ADGB: variants seen among roughly 807,000 people sequenced by gnomAD.
ADGB encodes calpain-7-like protein.
A neutral mutation model predicts 210.5 loss-of-function variants in ADGB; 172 were observed. The observed-to-expected ratio is 0.82, with a 90% CI of 0.72 to 0.93. ADGB has a LOEUF of 0.93. ADGB is among the 40% of genes least tolerant of loss of function. The pLI is 0.00. For synonymous variants in ADGB, 658 were observed against 662.7 expected, an observed-to-expected ratio of 0.99 and a Z score of 0.11; for missense variants, 2,025 against 1,964.8, an observed-to-expected ratio of 1.03 and a Z score of -0.58.
intron 11 of ADGB, among the ~76,000 whole-genome samples, chr6:146,692,184 G>T (rs9497607): frequency 0.28 from 41,839 of 151,944 alleles, 6,175 homozygotes; most frequent in African/African-American, 0.39. Context: ...AGAAAATTTA[G>T]GTATTCCATG....
Position 146,728,727 on chromosome 6 carries a change from G to A in ADGB, c.2506G>A (p.Ala836Thr). ...PVPFHDKELT[A>T]QHFRVFHLSL... ...CCCCTTCCATGATAAAGAACTAACT[G>A]CACAGCACTTCAGGGTAAGCTTGTT... Residue 836 changes from alanine (A) to threonine (T), a missense_variant, in exon 20 of 36, where the codon GCA becomes ACA. Coordinates refer to ENST00000397944, the MANE Select transcript of ADGB (RefSeq NM_024694.4). 1 of 1,548,512 alleles carries A rather than the reference G, an allele frequency of 6.5e-7. No individual in the cohort carries two copies. The highest frequency in any genetic ancestry group is 1.2e-5 in the South Asian group (1 of 83,580).
intron 35 of ADGB, among the ~76,000 whole-genome samples, chr6:146,810,872 G>C (rs1778293232): frequency 6.6e-6 from 1 of 152,046 alleles, no homozygotes; most frequent in Admixed American, 6.6e-5. Context: ...TGTATTTCAG[G>C]TACAGAATGG....
intron 13 of ADGB, among the ~76,000 whole-genome samples, chr6:146,713,729 A>G (rs1358599858): frequency 6.6e-6 from 1 of 152,026 alleles, no homozygotes; most frequent in African/African-American, 2.4e-5. Flanking sequence ...CCTTTGATGT[A>G]CAGAAGTTTT....
In ADGB at chr6:146,716,054, C is replaced by CAAAA. The variant is rs61093466; in HGVS notation, c.1741+655_1741+658dup. Among the ~76,000 whole-genome samples the CAAAA allele has an allele frequency of 7.7e-4, 75 of 96,934 alleles. 1 individual carries two copies. The highest frequency in any genetic ancestry group is 2.5e-3 in the African/African-American group (70 of 27,878). The allele number at this position is 96,934 out of a possible 152,430, so 63.6% of individuals were successfully genotyped here. The stretch of plus-strand genomic sequence containing the variant: ...CTGCACTCCAGCCTGGACTCCGTCT[C>CAAAA]AAAAAAAAAAAAAAAAAAATGGTAT... On this transcript the variant is annotated intron_variant, in intron 14 of 35. Coordinates refer to ENST00000397944, the MANE Select transcript of ADGB (RefSeq NM_024694.4).
chr6:146,722,315 A>G (rs1239853012), intron 17 of ADGB, among the ~76,000 whole-genome samples: 4 of 151,850 alleles, frequency 2.6e-5, no homozygotes, highest in African/African-American at 9.7e-5. Flanking sequence ...CACTCCTACA[A>G]TTTTGGAAGC....
intron 33 of ADGB, among the ~76,000 whole-genome samples, chr6:146,799,133 C>T (rs1778086987): frequency 6.9e-6 from 1 of 145,918 alleles, no homozygotes; most frequent in African/African-American, 2.5e-5. Flanking sequence ...GGGGAACTTA[C>T]TCATCCTGAT....
rs1778369422 is a variant in ADGB at position 146,815,208 on chromosome 6, G to A, written c.4995G>A (p.Lys1665=). The part of the protein sequence containing the change: ...APDTQKKKKG[K]KK ...ACACACAGAAAAAAAAGAAAGGAAA[G>A]AAAAAGTAACCAGGGGATGTCCAAT... Residue 1665 remains lysine, a synonymous_variant, in exon 36 of 36, where the codon AAG becomes AAA. Transcript: ENST00000397944. 1 of 1,504,604 alleles carries A rather than the reference G, an allele frequency of 6.6e-7. No individual in the cohort carries two copies. Among genetic ancestry groups the A allele is most frequent in the Admixed American group, 2.7e-5 (1 of 36,374 alleles). The allele number at this position is 1,504,604 out of a possible 1,614,324, so 93.2% of individuals were successfully genotyped here.
chr6:146,710,232 A>C (rs1383345752), intron 13 of ADGB, among the ~76,000 whole-genome samples: 4 of 151,666 alleles, frequency 2.6e-5, no homozygotes, highest in African/African-American at 9.7e-5. Context: ...TATTTTTCTA[A>C]TCATCTTCTA....
chr6:146,784,615 CA>C lies in ADGB; in HGVS notation c.4036-2del, dbSNP rs890852502. 6.6e-7 allele frequency: 1 copy of C among 1,505,560 alleles called. No homozygotes were observed. Among genetic ancestry groups the C allele is most frequent in the African/African-American group, 1.4e-5 (1 of 70,710 alleles). The allele number at this position is 1,505,560 out of a possible 1,614,324, so 93.3% of individuals were successfully genotyped here. On this transcript the variant is annotated splice_acceptor_variant, in intron 30 of 35. Coordinates refer to ENST00000397944, the MANE Select transcript of ADGB (RefSeq NM_024694.4). LOFTEE classifies it high-confidence loss of function. The stretch of plus-strand genomic sequence containing the variant: ...CAAAACCCAAAGGTTTTTATTTTAT[CA>C]GATATCCACTGTTCACCCTCAACAA...
intron 27 of ADGB, among the ~76,000 whole-genome samples, chr6:146,763,166 A>G (rs968658867): frequency 6.6e-6 from 1 of 152,184 alleles, no homozygotes; most frequent in Non-Finnish European, 1.5e-5. Context: ...CTGGAAATCA[A>G]GAGGTCACTT....
chr6:146,754,337 A>T (rs146703189), intron 27 of ADGB, among the ~76,000 whole-genome samples: 1,788 of 151,548 alleles, frequency 0.012, 25 homozygotes, highest in Non-Finnish European at 0.019. Flanking sequence ...TGGATTTATT[A>T]TTCAAACCCG....
chr6:146,745,134 T>C lies in ADGB; in HGVS notation c.3178-788T>C, dbSNP rs1026444193. On this transcript the variant is annotated intron_variant, in intron 25 of 35. Coordinates refer to ENST00000397944, the MANE Select transcript of ADGB (RefSeq NM_024694.4). ...TTTAAAAAATTCATTCTGGCTTATA[T>C]ATATCTAATTTTTACTTCTGGAAAT... 1.4e-4 allele frequency among the ~76,000 whole-genome samples: 22 copies of C among 152,214 alleles called. No individual in the cohort carries two copies. In the South Asian group the frequency reaches 1.7e-3, roughly 11 times the overall value.
rs548638559 is a variant in ADGB, at chr6:146,601,736, C to T, written c.74+2622C>T. On this transcript the variant is annotated intron_variant, in intron 1 of 35. Coordinates refer to ENST00000397944, the MANE Select transcript of ADGB (RefSeq NM_024694.4). ...AACGGCTATGCAATAGAATCTTACA[C>T]TCCTAGAGATGCCATCTCTGACATC... 2.0e-5 allele frequency among the ~76,000 whole-genome samples: 3 copies of T among 152,308 alleles called. No homozygotes were observed. In the South Asian group the frequency reaches 6.2e-4, roughly 32 times the overall value.
intron 16 of ADGB, among the ~76,000 whole-genome samples, chr6:146,720,122 T>C (rs1776792609): frequency 6.6e-6 from 1 of 152,178 alleles, no homozygotes; most frequent in Admixed American, 6.5e-5. Context: ...TTCAATTAAG[T>C]TAATTGAACA....
At chr6:146,765,435 A>G (rs1351535376) in intron 28 of ADGB, among the ~76,000 whole-genome samples, 3 of 151,976 alleles carry the variant, frequency 2.0e-5, no homozygotes, top group Non-Finnish European at 2.9e-5. Flanking sequence ...TTTTTGGCAC[A>G]CATGAGATTT....
intron 13 of ADGB, among the ~76,000 whole-genome samples, chr6:146,702,996 A>C (rs1395761876): frequency 6.6e-6 from 1 of 151,842 alleles, no homozygotes; most frequent in African/African-American, 2.4e-5. Flanking sequence ...TTGGTAAGAA[A>C]AAGTAGTTCA....
intron 27 of ADGB, among the ~76,000 whole-genome samples, chr6:146,760,748 A>AT (rs1777477270): frequency 6.6e-6 from 1 of 151,758 alleles, no homozygotes; most frequent in Non-Finnish European, 1.5e-5. Flanking sequence ...GGTTTCTCAC[A>AT]TTTTTTCTTA....
At chr6:146,602,345 T>C (rs781648700) in intron 1 of ADGB, among the ~76,000 whole-genome samples, 11 of 152,338 alleles carry the variant, frequency 7.2e-5, no homozygotes, top group Non-Finnish European at 1.5e-4. Context: ...CTATCAGATA[T>C]ATTTTTTAAC....
intron 29 of ADGB, among the ~76,000 whole-genome samples, chr6:146,779,074 A>AAC (rs1554255079): frequency 6.6e-6 from 1 of 152,030 alleles, no homozygotes; most frequent in African/African-American, 2.4e-5. Flanking sequence ...AAAAAAAAAA[A>AAC]AAAACAGCCA....
Sources: allele counts gnomAD v4.1 joint callset (sites outside exome capture counted in the v4.1 genomes callset), GRCh38; gene constraint gnomAD v4.1.1; transcripts MANE v1.5; gene names NCBI Gene and HGNC (gene_info 2026-07-23, HGNC 2026-07-21).